CAT: variants seen among roughly 807,000 people sequenced by gnomAD.
The protein encoded by CAT is epididymis secretory sperm binding protein.
Under a neutral mutation model 59.0 loss-of-function variants are expected in CAT, and 43 were observed. The observed-to-expected ratio is 0.73, with a 90% CI of 0.57 to 0.94. CAT has a LOEUF of 0.94. CAT is among the 40% of genes least tolerant of loss of function. The pLI is 0.00. For synonymous variants in CAT, 218 were observed against 230.9 expected, an observed-to-expected ratio of 0.94 and a Z score of 0.51; for missense variants, 664 against 682.9, an observed-to-expected ratio of 0.97 and a Z score of 0.31.
intron 10 of CAT, among the ~76,000 whole-genome samples, chr11:34,465,932 C>G (rs1856710093): frequency 6.6e-6 from 1 of 152,198 alleles, no homozygotes; most frequent in Admixed American, 6.5e-5. Context: ...AAAAAAAGTG[C>G]AGTGAAGTAA....
intron 1 of CAT, among the ~76,000 whole-genome samples, chr11:34,446,148 C>T (rs945385301): frequency 1.3e-5 from 2 of 152,140 alleles, no homozygotes. Flanking sequence ...GCTAAACATC[C>T]CCTGAAGTTG....
intron 12 of CAT, 84 bp downstream of exon 12, chr11:34,471,125 G>T: frequency 8.7e-7 from 1 of 1,144,908 alleles, no homozygotes; most frequent in Admixed American, 1.7e-5. Context: ...TAGCATTACA[G>T]TCTGCAGGGG....
chr11:34,446,882 C>T (rs1036963823), intron 1 of CAT, among the ~76,000 whole-genome samples: 6 of 152,030 alleles, frequency 3.9e-5, no homozygotes, highest in South Asian at 4.1e-4. Context: ...GCTGGGACTA[C>T]AGTCACCCCT....
intron 11 of CAT, among the ~76,000 whole-genome samples, chr11:34,469,479 G>T (rs375522252): frequency 6.6e-6 from 1 of 152,156 alleles, no homozygotes; most frequent in Non-Finnish European, 1.5e-5. Flanking sequence ...CCTGAAGTGT[G>T]TGGAGTTGTG....
In CAT at chr11:34,471,407, G is replaced by A; in HGVS notation, c.1558G>A (p.Ala520Thr). Residue 520 changes from alanine to threonine, a missense_variant, in exon 13 of 13, where the codon GCG becomes ACG. Coordinates refer to ENST00000241052, the MANE Select transcript of CAT (RefSeq NM_001752.4). ...CTTTGTGCAGTCCGGATCTCACTTG[G>A]CGGCAAGGGAGAAGGCAAATCTGTG... ...HTFVQSGSHL[A>T]AREKANL The A allele has an allele frequency of 6.2e-7, 1 of 1,613,916 alleles. No individual in the cohort carries two copies. Among genetic ancestry groups the A allele is most frequent in the Non-Finnish European group, 8.5e-7 (1 of 1,179,832 alleles).
At chr11:34,451,150 T>A in intron 3 of CAT, 52 bp downstream of exon 3, 1 of 1,039,220 alleles carries the variant, frequency 9.6e-7, no homozygotes, top group Non-Finnish European at 1.5e-6. Flanking sequence ...CTTCACCTTT[T>A]GGGGATGTTT....
chr11:34,471,714 TATG>T lies in CAT; in HGVS notation c.*284_*286del, dbSNP rs1290216066. The stretch of plus-strand genomic sequence containing the variant: ...TAGAAGGCAAGTTTCTAGCTAGAAA[TATG>T]ATTTTATTTGACAAAATTTGTTGAA... On this transcript the variant is annotated 3_prime_UTR_variant, in exon 13 of 13. Coordinates refer to ENST00000241052, the MANE Select transcript of CAT (RefSeq NM_001752.4). The T allele has an allele frequency of 4.5e-6, 2 of 442,692 alleles. No homozygotes were observed. Among genetic ancestry groups the T allele is most frequent in the Non-Finnish European group, 8.3e-6 (2 of 241,756 alleles). The allele number at this position is 442,692 out of a possible 1,614,324, so 27.4% of individuals were successfully genotyped here. A position where few individuals can be genotyped will look rare whatever the true frequency, so the allele number is the denominator to read the frequency against.
chr11:34,456,057 T>A lies in CAT; in HGVS notation c.758T>A (p.Leu253His), dbSNP rs1482547058. The change falls in exon 7 of 13, where the codon CTT becomes CAT. Residue 253 changes from leucine (L) to histidine (H), a missense_variant. Transcript: ENST00000241052. The stretch of plus-strand genomic sequence containing the variant: ...CTTTCTGTTGAAGATGCGGCGAGAC[T>A]TTCCCAGGAAGATCCTGACTATGGC... ...KNLSVEDAAR[L>H]SQEDPDYGIR... 6 of 1,614,152 alleles carry A rather than the reference T, an allele frequency of 3.7e-6. No individual in the cohort carries two copies. Among genetic ancestry groups the A allele is most frequent in the Non-Finnish European group, 4.2e-6 (5 of 1,180,014 alleles).
intron 1 of CAT, among the ~76,000 whole-genome samples, chr11:34,443,861 G>A (rs1199106358): frequency 1.3e-5 from 2 of 152,030 alleles, no homozygotes; most frequent in African/African-American, 2.4e-5. Context: ...ATGGAGAAGG[G>A]GTGACTGAGT....
At chr11:34,452,256 T>G in intron 4 of CAT, 49 bp downstream of exon 4, 1 of 1,575,614 alleles carries the variant, frequency 6.3e-7, no homozygotes, top group Non-Finnish European at 8.7e-7. Flanking sequence ...TGACTTAAAT[T>G]GATTTCAAAT....
intron 10 of CAT, among the ~76,000 whole-genome samples, chr11:34,464,983 C>T (rs1283727378): frequency 2.0e-5 from 3 of 152,154 alleles, no homozygotes; most frequent in East Asian, 1.9e-4. Context: ...GTTAACCGCC[C>T]CAGGGCAAAT....
chr11:34,450,102 C>T (rs1856505444), intron 2 of CAT, among the ~76,000 whole-genome samples: 2 of 151,748 alleles, frequency 1.3e-5, no homozygotes, highest in African/African-American at 4.8e-5. Flanking sequence ...CAGATGGTGG[C>T]CTCAGCTAGG....
At chr11:34,463,613 C>T (rs1258289648) in intron 9 of CAT, among the ~76,000 whole-genome samples, 2 of 152,198 alleles carry the variant, frequency 1.3e-5, no homozygotes, top group Non-Finnish European at 2.9e-5. Flanking sequence ...GAGCTCCATG[C>T]TTGTGTCTGT....
chr11:34,470,703 T>TG, intron 11 of CAT: 1 of 512,012 alleles, frequency 2.0e-6, no homozygotes, highest in East Asian at 3.6e-5. Flanking sequence ...GTCATTTTCT[T>TG]GCGCATTTCG....
At chr11:34,458,897 G>C (rs1856619380) in intron 8 of CAT, among the ~76,000 whole-genome samples, 1 of 152,194 alleles carries the variant, frequency 6.6e-6, no homozygotes, top group Non-Finnish European at 1.5e-5. Flanking sequence ...AAACAGTGGG[G>C]AAGAGAGTTC....
chr11:34,440,118 G>C (rs12272630), intron 1 of CAT, among the ~76,000 whole-genome samples: 16,899 of 152,204 alleles, frequency 0.11, 1,840 homozygotes, highest in African/African-American at 0.29. Context: ...GCTGGTTAAT[G>C]GTAGACAGAG....
rs1360530077 is a variant in CAT at position 34,456,683 on chromosome 11, T to C, written c.922T>C (p.Tyr308His). The change falls in exon 8 of 13, where the codon TAC becomes CAC. Residue 308 changes from tyrosine to histidine, a missense_variant. By Grantham distance (83) the Tyr-to-His change is moderately conservative (BLOSUM62 2). Transcript: ENST00000241052. The part of the protein sequence containing the change: ...DLTKVWPHKD[Y>H]PLIPVGKLVL... Reference sequence around the variant, plus strand: ...TTTTCAGGTTTGGCCTCACAAGGACTACCCTCTCATCCCAGTTGGTAAACT... The same window carrying C: ...TTTTCAGGTTTGGCCTCACAAGGACCACCCTCTCATCCCAGTTGGTAAACT... 1 of 1,614,194 alleles carries C rather than the reference T, an allele frequency of 6.2e-7. No individual in the cohort carries two copies.
At chr11:34,452,256 T>C in intron 4 of CAT, 49 bp downstream of exon 4, 1 of 1,575,614 alleles carries the variant, frequency 6.3e-7, no homozygotes, top group Non-Finnish European at 8.7e-7. Context: ...TGACTTAAAT[T>C]GATTTCAAAT....
rs572582172 is a variant in CAT at position 34,468,106 on chromosome 11, T to C, written c.1327-182T>C. Reference sequence around the variant, plus strand: ...AAAGCAGGTATGAGCTATTAACAAATGAATTTTACTTATTTTGCTTAAAAC... The same window carrying C: ...AAAGCAGGTATGAGCTATTAACAAACGAATTTTACTTATTTTGCTTAAAAC... On this transcript the variant is annotated intron_variant, in intron 10 of 12. Coordinates refer to ENST00000241052, the MANE Select transcript of CAT (RefSeq NM_001752.4). Among the ~76,000 whole-genome samples the C allele has an allele frequency of 3.3e-5, 5 of 152,332 alleles. No homozygotes were observed. The South Asian group carries it at 6.2e-4, about 19-fold the overall frequency.
Sources: gnomAD v4.1 joint callset for allele counts (sites outside exome capture counted in the v4.1 genomes callset) on GRCh38, gnomAD v4.1.1 for gene constraint, MANE v1.5 for transcripts, NCBI Gene and HGNC (gene_info 2026-07-23, HGNC 2026-07-21) for gene names.